Variants in TP63 observed in about 807,000 individuals in gnomAD.
TP63 encodes the protein tumor protein 63.
Under a neutral mutation model 82.8 loss-of-function variants are expected in TP63, and 17 were observed. The ratio of observed to expected loss-of-function variants is 0.21; its 90% CI spans 0.14 to 0.31. The LOEUF (loss-of-function observed/expected upper bound fraction) is 0.31. Among genes scored for constraint, TP63 ranks in the 10% least tolerant of loss-of-function variants. The pLI, the probability that TP63 is intolerant of heterozygous loss-of-function variation, is 1.00. For synonymous variants in TP63, 330 were observed against 321.7 expected, an observed-to-expected ratio of 1.03 and a Z score of -0.28; for missense variants, 648 against 895.3, an observed-to-expected ratio of 0.72 and a Z score of 3.52.
Position 189,891,727 on chromosome 3 carries a change from G to A in TP63, c.1746+845G>A, listed in dbSNP as rs565799087. On this transcript the variant is annotated intron_variant, in intron 13 of 13. Transcript: ENST00000264731. Reference sequence around the variant, plus strand: ...CCACTTTTTGAACTCCTGCTCACACGGGAGCTAGTGTTGCTCTGGTTTATG... The same window carrying A: ...CCACTTTTTGAACTCCTGCTCACACAGGAGCTAGTGTTGCTCTGGTTTATG... Among the ~76,000 whole-genome samples the A allele has an allele frequency of 3.5e-4, 53 of 152,228 alleles. No individual in the cohort carries two copies. In the South Asian group the frequency reaches 0.01, roughly 29 times the overall value.
At chr3:189,644,587 T>C (rs1485044576) in intron 1 of TP63, among the ~76,000 whole-genome samples, 1 of 152,106 alleles carries the variant, frequency 6.6e-6, no homozygotes, top group African/African-American at 2.4e-5. Flanking sequence ...ATGGATACGT[T>C]TTTTAATGCT....
intron 3 of TP63, among the ~76,000 whole-genome samples, chr3:189,798,243 C>T (rs774314666): frequency 2.6e-5 from 4 of 151,912 alleles, no homozygotes; most frequent in Non-Finnish European, 4.4e-5. Context: ...TAAAGCGAGC[C>T]GACATATTAT....
intron 1 of TP63, among the ~76,000 whole-genome samples, chr3:189,710,608 C>T (rs1718522412): frequency 6.6e-6 from 1 of 152,006 alleles, no homozygotes; most frequent in Non-Finnish European, 1.5e-5. Context: ...AATATACTTG[C>T]TAAAGATGCG....
chr3:189,687,287 G>A (rs1037531313), intron 1 of TP63, among the ~76,000 whole-genome samples: 1 of 152,154 alleles, frequency 6.6e-6, no homozygotes, highest in Non-Finnish European at 1.5e-5. Context: ...TTCTAGGTGA[G>A]TTTTCACATA....
intron 1 of TP63, among the ~76,000 whole-genome samples, chr3:189,679,812 G>A (rs932947999): frequency 1.3e-5 from 2 of 152,092 alleles, no homozygotes; most frequent in Non-Finnish European, 2.9e-5. Flanking sequence ...CATAAAATAA[G>A]TATCCAGTTT....
the TP63 span, among the ~76,000 whole-genome samples, chr3:189,621,343 TA>T: frequency 2.0e-5 from 3 of 152,110 alleles, no homozygotes; most frequent in South Asian, 2.1e-4. Context: ...TTTTTGGTTT[TA>T]AAAATAATTT....
At chr3:189,610,035 G>A in the TP63 span, among the ~76,000 whole-genome samples, 2 of 152,088 alleles carry the variant, frequency 1.3e-5, no homozygotes, top group African/African-American at 4.8e-5. Context: ...AATCTCACTA[G>A]CATTTGTTAT....
intron 3 of TP63, among the ~76,000 whole-genome samples, chr3:189,795,064 A>G (rs1432121177): frequency 6.6e-6 from 1 of 152,030 alleles, no homozygotes; most frequent in Non-Finnish European, 1.5e-5. Flanking sequence ...CACTTTCAAA[A>G]CTGTCCCATT....
chr3:189,816,709 T>C (rs1728220602), intron 4 of TP63, among the ~76,000 whole-genome samples: 1 of 152,176 alleles, frequency 6.6e-6, no homozygotes, highest in Admixed American at 6.6e-5. Flanking sequence ...CTTCAGTTCT[T>C]TGAAGCCCTG....
intron 4 of TP63, among the ~76,000 whole-genome samples, chr3:189,856,521 T>C (rs1270876997): frequency 6.6e-6 from 1 of 151,928 alleles, no homozygotes; most frequent in African/African-American, 2.4e-5. Flanking sequence ...ATTATTGCAG[T>C]CACATAAAAA....
intron 4 of TP63, among the ~76,000 whole-genome samples, chr3:189,835,781 G>A (rs1304991881): frequency 6.6e-6 from 1 of 151,954 alleles, no homozygotes; most frequent in African/African-American, 2.4e-5. Context: ...GGCCATGGTG[G>A]CAGGTGCCTG....
At chr3:189,602,453 AAGGAGGG>A in the TP63 span, among the ~76,000 whole-genome samples, 1 of 152,218 alleles carries the variant, frequency 6.6e-6, no homozygotes, top group East Asian at 1.9e-4. Flanking sequence ...GAGGCTAAGA[AAGGAGGG>A]AGGAGGGAGG....
chr3:189,839,040 T>TAAAAAAAAA (rs5855274), intron 4 of TP63, among the ~76,000 whole-genome samples: 4 of 88,606 alleles, frequency 4.5e-5, no homozygotes, highest in South Asian at 3.9e-4. Context: ...TATCCTAAGC[T>TAAAAAAAAA]AAAAAAAAAA....
rs1008319791 is a variant in TP63, at chr3:189,682,588, A to G, written c.62+51011A>G. ...TATATATATATATATATATATATAT[A>G]TATATATCCTATTCACAAGGTTGTT... On this transcript the variant is annotated intron_variant, in intron 1 of 13. Transcript: ENST00000264731. Among the ~76,000 whole-genome samples the G allele has an allele frequency of 1.3e-4, 17 of 133,228 alleles. 1 individual carries two copies. The highest frequency in any genetic ancestry group is 4.7e-4 in the South Asian group (2 of 4,224). The allele number at this position is 133,228 out of a possible 152,430, so 87.4% of individuals were successfully genotyped here.
chr3:189,669,317 A>G (rs187041120), intron 1 of TP63, among the ~76,000 whole-genome samples: 97 of 152,060 alleles, frequency 6.4e-4, no homozygotes, highest in Middle Eastern at 6.8e-3. Flanking sequence ...TTTATGGTAA[A>G]CAAACTGAGG....
At chr3:189,766,293 G>A (rs1322423523) in intron 3 of TP63, among the ~76,000 whole-genome samples, 1 of 152,202 alleles carries the variant, frequency 6.6e-6, no homozygotes, top group Non-Finnish European at 1.5e-5. Flanking sequence ...CTGTAGCGTG[G>A]AATCTAAAGA....
chr3:189,889,784 G>A (rs140087205), intron 12 of TP63, among the ~76,000 whole-genome samples: 5 of 152,184 alleles, frequency 3.3e-5, no homozygotes, highest in South Asian at 2.1e-4. Context: ...TGTCAATTGC[G>A]GCCCTCAAGT....
At chr3:189,878,477 C>T (rs1719501011) in intron 10 of TP63, among the ~76,000 whole-genome samples, 1 of 148,908 alleles carries the variant, frequency 6.7e-6, no homozygotes, top group Non-Finnish European at 1.5e-5. Flanking sequence ...AAACATTTGC[C>T]TCCTGGGTTC....
intron 3 of TP63, among the ~76,000 whole-genome samples, chr3:189,768,142 T>TTGCTGC (rs1306187821): frequency 1.3e-5 from 2 of 152,154 alleles, no homozygotes; most frequent in African/African-American, 4.8e-5. Flanking sequence ...AGGGGTTTTG[T>TTGCTGC]TGCTGCTGTT....
Sources: allele counts gnomAD v4.1 joint callset (sites outside exome capture counted in the v4.1 genomes callset), GRCh38; gene constraint gnomAD v4.1.1; transcripts MANE v1.5; gene names NCBI Gene and HGNC (gene_info 2026-07-23, HGNC 2026-07-21).